The following PPP2R2D variants were observed in gnomAD, a reference collection of about 807,000 sequenced individuals.
PPP2R2D encodes serine/threonine-protein phosphatase 2A 55 kDa regulatory subunit B delta isoform.
In PPP2R2D, 9 loss-of-function variants were observed where a neutral mutation model predicts 31.1. That is an observed-to-expected ratio of 0.29 (90% CI 0.17 to 0.51). PPP2R2D has a LOEUF of 0.51. Among genes scored for constraint, PPP2R2D ranks in the 20% least tolerant of loss-of-function variants. The probability of loss-of-function intolerance (pLI) is 0.98; values close to 1 mark genes in which losing one functional copy is unlikely to be tolerated. For synonymous variants in PPP2R2D, 179 were observed against 172.6 expected (o/e 1.04, Z -0.29); for missense variants, 391 against 465.6 (o/e 0.84, Z 1.48).
downstream of PPP2R2D, among the ~76,000 whole-genome samples, chr10:131,962,845 G>A (rs1190139528): frequency 6.6e-6 from 1 of 152,192 alleles, no homozygotes; most frequent in African/African-American, 2.4e-5. Context: ...ATAGAGCTCC[G>A]TCTGCTTGCC....
At position 131,959,089 on chromosome 10, in the gene PPP2R2D, C is replaced by G. The variant is rs1554900879; in HGVS notation, c.*3126C>G. On this transcript the variant is annotated 3_prime_UTR_variant, in exon 9 of 9. Coordinates refer to ENST00000455566, the MANE Select transcript of PPP2R2D (RefSeq NM_018461.5). The stretch of plus-strand genomic sequence containing the variant: ...TGTGGAGATGAAGGCGTGTGCTGAT[C>G]CGCCATCCCACTGTGGAGATGAAGG... 1 of 78,032 alleles carries G rather than the reference C, an allele frequency of 1.3e-5. No individual in the cohort carries two copies. Among genetic ancestry groups the G allele is most frequent in the Non-Finnish European group, 2.5e-5 (1 of 39,786 alleles). The allele number at this position is 78,032 out of a possible 1,614,324, so 4.8% of individuals were successfully genotyped here.
intron 2 of PPP2R2D, among the ~76,000 whole-genome samples, chr10:131,909,653 G>T (rs2035650991): frequency 6.6e-6 from 1 of 152,222 alleles, no homozygotes; most frequent in African/African-American, 2.4e-5. Context: ...CAGCTGGCCA[G>T]ATGTCGCCCA....
chr10:131,930,403 T>C (rs535407713), intron 2 of PPP2R2D, among the ~76,000 whole-genome samples: 4 of 152,370 alleles, frequency 2.6e-5, no homozygotes, highest in African/African-American at 7.2e-5. Flanking sequence ...AGATCTGCCA[T>C]CTTCCTTCTC....
rs372030546 is a variant in PPP2R2D, at chr10:131,951,618, C to A, written c.1082+3827C>A. On this transcript the variant is annotated intron_variant, in intron 8 of 8. Transcript: ENST00000455566. ...AGGGCGGATCACGAGGTCAGGAGTT[C>A]GAGAGCAGCCTGACCAACATAGTGA... Among the ~76,000 whole-genome samples, 16 of 152,216 alleles carry A rather than the reference C, an allele frequency of 1.1e-4. No individual in the cohort carries two copies. The East Asian group carries it at 3.1e-3, about 29-fold the overall frequency.
At chr10:131,948,337 A>G (rs1224392974) in intron 8 of PPP2R2D, among the ~76,000 whole-genome samples, 3 of 79,670 alleles carry the variant, frequency 3.8e-5, no homozygotes, top group Admixed American at 1.1e-4. Flanking sequence ...TGTGGTTGAG[A>G]GTTACGTTTT....
intron 2 of PPP2R2D, among the ~76,000 whole-genome samples, chr10:131,927,276 AC>A (rs1336706320): frequency 6.8e-6 from 1 of 146,716 alleles, no homozygotes; most frequent in East Asian, 2.0e-4. Context: ...GGAAGGAGAA[AC>A]TCTCCCCCCG....
the PPP2R2D span, chr10:131,966,486 A>C: frequency 2.0e-5 from 3 of 152,214 alleles, no homozygotes; most frequent in African/African-American, 7.2e-5. Context: ...TAAAATGTCT[A>C]ATGTTACAAT....
chr10:131,901,588 G>A (rs996794604), intron 2 of PPP2R2D, among the ~76,000 whole-genome samples: 1 of 152,146 alleles, frequency 6.6e-6, no homozygotes, highest in East Asian at 1.9e-4. Flanking sequence ...ACGGGCGGCC[G>A]GGTCCTCCGA....
In PPP2R2D at chr10:131,957,860, G is replaced by C. The variant is rs1422357691; in HGVS notation, c.*1897G>C. ...CCCCATCCCCATGTGGAGATGAAGG[G>C]GTGTGTTGATCCCCTGTCCCCCTGT... On this transcript the variant is annotated 3_prime_UTR_variant, in exon 9 of 9. Transcript: ENST00000455566. 32 of 143,204 alleles carry C rather than the reference G, an allele frequency of 2.2e-4. No individual in the cohort carries two copies. Among genetic ancestry groups the C allele is most frequent in the African/African-American group, 8.4e-4 (30 of 35,556 alleles). The allele number at this position is 143,204 out of a possible 1,614,324, so 8.9% of individuals were successfully genotyped here. A position where few individuals can be genotyped will look rare whatever the true frequency, so the allele number is the denominator to read the frequency against.
At chr10:131,968,733 C>A in the PPP2R2D span, 1 of 561,238 alleles carries the variant, frequency 1.8e-6, no homozygotes, top group Non-Finnish European at 3.2e-6. Context: ...GATCTTTTAT[C>A]TAGTGTTTTA....
At chr10:131,936,753 A>C (rs1037341597) in intron 3 of PPP2R2D, among the ~76,000 whole-genome samples, 5 of 152,258 alleles carry the variant, frequency 3.3e-5, no homozygotes, top group African/African-American at 1.2e-4. Flanking sequence ...TGAGTGACAG[A>C]TTTATACAGG....
At chr10:131,935,036 T>C (rs2036314139) in intron 3 of PPP2R2D, 5 of 450,036 alleles carry the variant, frequency 1.1e-5, no homozygotes, top group South Asian at 6.2e-5. Context: ...CCATGCCCCC[T>C]TGAAGGCTTC....
rs117280403 is a variant in PPP2R2D at position 131,921,515 on chromosome 10, G to A, written c.101-12943G>A. Among the ~76,000 whole-genome samples the A allele has an allele frequency of 2.9e-3, 445 of 152,294 alleles. 6 individuals carry two copies. Among genetic ancestry groups the A allele is most frequent in the Non-Finnish European group, 3.7e-3 (251 of 68,022 alleles). ...TGGGGGATGGGAGGAGCCTGCAAAG[G>A]GGAGAGAGGGTGGGAGGACTTGACA... On this transcript the variant is annotated intron_variant, in intron 2 of 8. Transcript: ENST00000455566.
chr10:131,929,458 C>T (rs782411374), intron 2 of PPP2R2D, among the ~76,000 whole-genome samples: 37 of 152,164 alleles, frequency 2.4e-4, no homozygotes, highest in Non-Finnish European at 4.3e-4. Context: ...AAGCTGCTGG[C>T]CTCAGGTGTG....
intron 2 of PPP2R2D, chr10:131,912,629 A>C (rs1034096576): frequency 6.6e-6 from 1 of 152,392 alleles, no homozygotes; most frequent in East Asian, 1.9e-4. Flanking sequence ...TTCATCATAC[A>C]CATGAGACGA....
intron 2 of PPP2R2D, among the ~76,000 whole-genome samples, chr10:131,914,948 C>T (rs970236579): frequency 6.6e-6 from 1 of 152,090 alleles, no homozygotes; most frequent in East Asian, 1.9e-4. Flanking sequence ...TCTAGCAACT[C>T]GAAGGAGGAA....
At chr10:131,929,939 C>T (rs2036187612) in intron 2 of PPP2R2D, among the ~76,000 whole-genome samples, 1 of 152,186 alleles carries the variant, frequency 6.6e-6, no homozygotes, top group African/African-American at 2.4e-5. Context: ...GGACTGCTCA[C>T]TTTTCATTCC....
At chr10:131,960,607 ATGGGAT>A (rs563114772), downstream of PPP2R2D, among the ~76,000 whole-genome samples, 443 of 152,236 alleles carry the variant, frequency 2.9e-3, 3 homozygotes, top group African/African-American at 9.8e-3. Flanking sequence ...GCCCAGTGCC[ATGGGAT>A]TGGTGTGTGT....
downstream of PPP2R2D, chr10:131,959,944 G>A (rs6560694): frequency 0.28 from 42,488 of 152,160 alleles, 6,040 homozygotes; most frequent in East Asian, 0.45. Flanking sequence ...CAGCCCAGGC[G>A]GGTCCCGTGT....
Sources: gnomAD v4.1 joint callset for allele counts (sites outside exome capture counted in the v4.1 genomes callset) on GRCh38, gnomAD v4.1.1 for gene constraint, MANE v1.5 for transcripts, NCBI Gene and HGNC (gene_info 2026-07-23, HGNC 2026-07-21) for gene names.